Variants in PRDM16 observed in about 807,000 individuals in gnomAD.
The protein encoded by PRDM16 is PR/SET domain 16, also known as histone-lysine N-methyltransferase PRDM16.
Under a neutral mutation model 110.6 loss-of-function variants are expected in PRDM16, and 23 were observed. The ratio of observed to expected loss-of-function variants is 0.21; its 90% CI spans 0.15 to 0.29. PRDM16 has a LOEUF of 0.29. PRDM16 is among the 10% of genes least tolerant of loss of function. The pLI is 1.00. For synonymous variants in PRDM16, 799 were observed against 781.8 expected, an observed-to-expected ratio of 1.02 and a Z score of -0.37; for missense variants, 1,615 against 1,794.3, an observed-to-expected ratio of 0.90 and a Z score of 1.81.
chr1:3,405,936 C>G (rs1203435348), intron 8 of PRDM16, among the ~76,000 whole-genome samples: 1 of 152,282 alleles, frequency 6.6e-6, no homozygotes. Context: ...TGGGAGGGAC[C>G]AGGGTCCTGC....
At position 3,246,687 on chromosome 1, in the gene PRDM16, A is replaced by C. The variant is rs1639797615; in HGVS notation, c.438+2550A>C. Among the ~76,000 whole-genome samples, 1 of 152,172 alleles carries C rather than the reference A, an allele frequency of 6.6e-6. No individual in the cohort carries two copies. The highest frequency in any genetic ancestry group is 6.5e-5 in the Admixed American group (1 of 15,288). ...CATAGTTTTTTCAGCCTCCGCAATA[A>C]ACACCGTCAGCGTCTGGAGGATTCG... On this transcript the variant is annotated intron_variant, in intron 3 of 16. Coordinates refer to ENST00000270722, the MANE Select transcript of PRDM16 (RefSeq NM_022114.4). The surrounding 1 kb of genome is among the most constrained non-coding windows in gnomAD (Gnocchi z 5.2).
In PRDM16 at chr1:3,412,642, A is replaced by G. The variant is rs1643712272; in HGVS notation, c.2445A>G (p.Gln815=). Residue 815 remains glutamine, a synonymous_variant, in exon 9 of 17, where the codon CAA becomes CAG. Transcript: ENST00000270722. ...TCGGCAGCCGGGCCCGTGCCAGCCA[A>G]AACGGCGGCGGGCGGGAGCCCCGCA... is the stretch of plus-strand genomic sequence containing the variant. ...LSIGSRARAS[Q]NGGGREPRKN... is the part of the protein sequence containing the mutation. 1 of 1,562,200 alleles carries G rather than the reference A, an allele frequency of 6.4e-7. No individual in the cohort carries two copies. Among genetic ancestry groups the G allele is most frequent in the Non-Finnish European group, 8.7e-7 (1 of 1,153,932 alleles).
intron 3 of PRDM16, among the ~76,000 whole-genome samples, chr1:3,364,600 G>C (rs1412325149): frequency 1.3e-5 from 2 of 152,160 alleles, no homozygotes; most frequent in Non-Finnish European, 2.9e-5. Context: ...CTGGGCTCCT[G>C]CACGTGGCCC....
intron 1 of PRDM16, among the ~76,000 whole-genome samples, chr1:3,071,694 A>C (rs1221310175): frequency 1.3e-5 from 2 of 151,926 alleles, no homozygotes; most frequent in African/African-American, 4.8e-5. Context: ...CACTCCAGCC[A>C]GCAGGTCCTC....
At chr1:3,071,958 C>G (rs1183913450) in intron 1 of PRDM16, among the ~76,000 whole-genome samples, 1 of 152,194 alleles carries the variant, frequency 6.6e-6, no homozygotes, top group Non-Finnish European at 1.5e-5. Flanking sequence ...TGTGAAGGGC[C>G]AAATGGTGGC....
intron 3 of PRDM16, among the ~76,000 whole-genome samples, chr1:3,349,519 C>T (rs949123485): frequency 7.9e-5 from 12 of 152,186 alleles, no homozygotes; most frequent in African/African-American, 2.7e-4. Context: ...TGGCTCCGAG[C>T]TTATTTCAGA....
At chr1:3,404,658 G>A in intron 6 of PRDM16, 81 bp from the exon 7 acceptor site, 3 of 1,563,824 alleles carry the variant, frequency 1.9e-6, no homozygotes, top group Middle Eastern at 3.4e-4. Flanking sequence ...GGGGCACTGG[G>A]AACAAGCTGT....
At position 3,118,513 on chromosome 1, in the gene PRDM16, C is replaced by T. The variant is rs546307566; in HGVS notation, c.37+49217C>T. On this transcript the variant is annotated intron_variant, in intron 1 of 16. Transcript: ENST00000270722. ...GGGTAGTGTGGCCAGGGGCCTTCCC[C>T]GGCATGATGGCATCCGCCCCCAGCT... 5.9e-5 allele frequency among the ~76,000 whole-genome samples: 9 copies of T among 152,282 alleles called. No homozygotes were observed. In the South Asian group the frequency reaches 6.2e-4, roughly 11 times the overall value.
intron 8 of PRDM16, among the ~76,000 whole-genome samples, chr1:3,410,503 T>C (rs919303913): frequency 1.3e-5 from 2 of 152,180 alleles, no homozygotes; most frequent in African/African-American, 4.8e-5. Flanking sequence ...CCTCCAGCCA[T>C]CTCCAAAGGG....
At chr1:3,256,014 G>A (rs1640038650) in intron 3 of PRDM16, among the ~76,000 whole-genome samples, 1 of 152,230 alleles carries the variant, frequency 6.6e-6, no homozygotes, top group Non-Finnish European at 1.5e-5. Context: ...GCAGGTATGT[G>A]GCACAGTGAC....
intron 1 of PRDM16, among the ~76,000 whole-genome samples, chr1:3,132,083 CAG>C (rs1643346625): frequency 6.6e-6 from 1 of 152,044 alleles, no homozygotes; most frequent in African/African-American, 2.4e-5. Flanking sequence ...AATGAGCGAT[CAG>C]GGGCTCAATG....
chr1:3,209,824 G>A lies in PRDM16; in HGVS notation c.387+23350G>A, dbSNP rs185701293. 9.2e-5 allele frequency among the ~76,000 whole-genome samples: 14 copies of A among 152,280 alleles called. No individual in the cohort carries two copies. The highest frequency in any genetic ancestry group is 5.8e-4 in the East Asian group (3 of 5,180). On this transcript the variant is annotated intron_variant, in intron 2 of 16. Coordinates refer to ENST00000270722, the MANE Select transcript of PRDM16 (RefSeq NM_022114.4). The surrounding 1 kb of genome is among the most constrained non-coding windows in gnomAD (Gnocchi z 4.6). ...AGCGTTTTCCAAACTGGCAGAACCC[G>A]GGGATCTAAGACGGGCATGCTGGAA... is the stretch of plus-strand genomic sequence containing the variant.
chr1:3,152,675 A>G lies in PRDM16; in HGVS notation c.38-33450A>G, dbSNP rs1039038606. Among the ~76,000 whole-genome samples, 3 of 152,206 alleles carry G rather than the reference A, an allele frequency of 2.0e-5. No homozygotes were observed. In the East Asian group the frequency reaches 5.8e-4, roughly 29 times the overall value. On this transcript the variant is annotated intron_variant, in intron 1 of 16. Coordinates refer to ENST00000270722, the MANE Select transcript of PRDM16 (RefSeq NM_022114.4). ...GCAAGGGCCAGTGGCTCCTCAGGACAAGGCTATGTTGCCGTCCGTCGTCCA... is the reference window on the plus strand; with the variant it reads ...GCAAGGGCCAGTGGCTCCTCAGGACGAGGCTATGTTGCCGTCCGTCGTCCA...
At chr1:3,309,855 G>A (rs1395893428) in intron 3 of PRDM16, 1 of 152,370 alleles carries the variant, frequency 6.6e-6, no homozygotes, top group African/African-American at 2.4e-5. Context: ...GGGAGGAGGA[G>A]CGTGGCCCCC....
Position 3,209,779 on chromosome 1 carries a change from C to T in PRDM16, c.387+23305C>T, listed in dbSNP as rs538975266. On this transcript the variant is annotated intron_variant, in intron 2 of 16. Coordinates refer to ENST00000270722, the MANE Select transcript of PRDM16 (RefSeq NM_022114.4). The surrounding 1 kb of genome is among the most constrained non-coding windows in gnomAD (Gnocchi z 4.6). ...AACTTGTCTTGTAGTTTCCTGAGCA[C>T]GACAGCCAGGACTTGGTCCAGCGTT... Among the ~76,000 whole-genome samples the T allele has an allele frequency of 1.2e-4, 18 of 152,244 alleles. No individual in the cohort carries two copies. The highest frequency in any genetic ancestry group is 1.9e-4 in the East Asian group (1 of 5,176).
intron 3 of PRDM16, among the ~76,000 whole-genome samples, chr1:3,312,466 CGGCTGCACCTCACAGCCGCT>C (rs1641485101): frequency 6.6e-6 from 1 of 152,216 alleles, no homozygotes; most frequent in Non-Finnish European, 1.5e-5. Flanking sequence ...GCCCACCCGC[CGGCTGCACCTCACAGCCGCT>C]CCTCCCCAGC....
chr1:3,182,400 C>A (rs906095492), intron 1 of PRDM16, among the ~76,000 whole-genome samples: 2 of 152,204 alleles, frequency 1.3e-5, no homozygotes, highest in African/African-American at 4.8e-5. Flanking sequence ...CCTGTCCTGG[C>A]CGGTTTAGCA....
At chr1:3,271,256 G>A (rs1162083207) in intron 3 of PRDM16, among the ~76,000 whole-genome samples, 1 of 152,194 alleles carries the variant, frequency 6.6e-6, no homozygotes, top group Non-Finnish European at 1.5e-5. Flanking sequence ...CAATCAAGGA[G>A]GCTACTTCCC....
chr1:3,427,285 C>G (rs1158744885), intron 14 of PRDM16, among the ~76,000 whole-genome samples: 1 of 152,206 alleles, frequency 6.6e-6, no homozygotes, highest in African/African-American at 2.4e-5. Context: ...TGGCAGAGAA[C>G]CGAAGGTGTT....
Sources: gnomAD v4.1 joint callset for allele counts (sites outside exome capture counted in the v4.1 genomes callset) on GRCh38, gnomAD v4.1.1 for gene constraint, Gnocchi (gnomAD v3.1) non-coding constraint, MANE v1.5 for transcripts, NCBI Gene and HGNC (gene_info 2026-07-23, HGNC 2026-07-21) for gene names.